PANX1: variants seen among roughly 807,000 people sequenced by gnomAD.
PANX1 encodes pannexin 1.
A neutral mutation model predicts 38.7 loss-of-function variants in PANX1; 30 were observed. The observed-to-expected ratio is 0.78, with a 90% CI of 0.58 to 1.05. The LOEUF (loss-of-function observed/expected upper bound fraction) is 1.05. Among genes scored for constraint, PANX1 ranks in the 50% least tolerant of loss-of-function variants. PANX1 has a pLI of 0.00. For synonymous variants in PANX1, 230 were observed against 212.2 expected, an observed-to-expected ratio of 1.08 and a Z score of -0.73; for missense variants, 551 against 517.2, an observed-to-expected ratio of 1.07 and a Z score of -0.63.
chr11:94,149,068 C>T (rs1946856385), intron 1 of PANX1, among the ~76,000 whole-genome samples: 1 of 152,118 alleles, frequency 6.6e-6, no homozygotes, highest in Non-Finnish European at 1.5e-5. Context: ...GGTTAGTTCC[C>T]TTCTCCTGCC....
intron 2 of PANX1, among the ~76,000 whole-genome samples, chr11:94,162,209 A>G (rs1190192526): frequency 6.6e-6 from 1 of 152,202 alleles, no homozygotes; most frequent in Non-Finnish European, 1.5e-5. Context: ...TCAGACCTCC[A>G]GCTGCGTACT....
At chr11:94,146,497 A>G (rs1276098685) in intron 1 of PANX1, among the ~76,000 whole-genome samples, 2 of 152,222 alleles carry the variant, frequency 1.3e-5, no homozygotes, top group South Asian at 2.1e-4. Context: ...ACGGCAGAAG[A>G]GACCTAGCAG....
chr11:94,177,382 G>C (rs987081390), intron 2 of PANX1, among the ~76,000 whole-genome samples: 2 of 151,422 alleles, frequency 1.3e-5, no homozygotes, highest in African/African-American at 4.9e-5. Flanking sequence ...CACGCAAAAG[G>C]ATAGTCGAAA....
chr11:94,174,127 C>G lies in PANX1; in HGVS notation c.322-4242C>G, dbSNP rs533698920. Among the ~76,000 whole-genome samples the G allele has an allele frequency of 2.8e-4, 42 of 150,326 alleles. 4 individuals are homozygous for G. Among genetic ancestry groups the G allele is most frequent in the African/African-American group, 1.0e-3 (41 of 39,760 alleles). ...TTGGCCTTCTGATAAGGACACAAGT[C>G]ATTGGATTAGGACCCACCCTAATTT... On this transcript the variant is annotated intron_variant, in intron 2 of 4. Transcript: ENST00000227638.
chr11:94,133,035 A>G (rs368359825), intron 1 of PANX1, among the ~76,000 whole-genome samples: 1 of 152,208 alleles, frequency 6.6e-6, no homozygotes, highest in Non-Finnish European at 1.5e-5. Flanking sequence ...TTAGTAGTTC[A>G]GCCCACTGGG....
At chr11:94,130,497 G>T (rs1946617059) in intron 1 of PANX1, among the ~76,000 whole-genome samples, 1 of 151,944 alleles carries the variant, frequency 6.6e-6, no homozygotes. Context: ...AAGAGTGTAG[G>T]CTGATGGTTT....
At chr11:94,167,530 A>G (rs11607052) in intron 2 of PANX1, among the ~76,000 whole-genome samples, 55,986 of 152,036 alleles carry the variant, frequency 0.37, 10,798 homozygotes, top group African/African-American at 0.45. Context: ...TAGATGTACA[A>G]GAAAACCAAG....
At position 94,129,634 on chromosome 11, in the gene PANX1, AT is replaced by A. The variant is rs1241871527; in HGVS notation, c.181+142del. Reference sequence around the variant, plus strand: ...CAGGAAGGGCAGTGGCCCCAGTTTTATGGTCCAAAGCGTTCTTTGCCCAGGT... The same window carrying A: ...CAGGAAGGGCAGTGGCCCCAGTTTTAGGTCCAAAGCGTTCTTTGCCCAGGT... On this transcript the variant is annotated intron_variant, in intron 1 of 4. Transcript: ENST00000227638. 8 of 719,554 alleles carry A rather than the reference AT, an allele frequency of 1.1e-5. No individual in the cohort carries two copies. In the African/African-American group the frequency reaches 1.4e-4, roughly 13 times the overall value. 44.6% of individuals were successfully genotyped at this position (719,554 alleles called of 1,614,324 possible). A position where few individuals can be genotyped will look rare whatever the true frequency, so the allele number is the denominator to read the frequency against.
At chr11:94,139,565 T>C (rs1308776275) in intron 1 of PANX1, among the ~76,000 whole-genome samples, 2 of 152,196 alleles carry the variant, frequency 1.3e-5, no homozygotes, top group Admixed American at 1.3e-4. Context: ...CTGGATAGCC[T>C]TGTGAGCCAG....
chr11:94,150,641 G>A (rs970112407), intron 1 of PANX1, among the ~76,000 whole-genome samples: 7 of 152,076 alleles, frequency 4.6e-5, no homozygotes, highest in African/African-American at 1.7e-4. Context: ...AGCTGTGCCG[G>A]TCCCCTGTAC....
At chr11:94,163,690 C>T (rs1251354806) in intron 2 of PANX1, among the ~76,000 whole-genome samples, 2 of 152,088 alleles carry the variant, frequency 1.3e-5, no homozygotes, top group African/African-American at 4.8e-5. Flanking sequence ...TTTTACTTGT[C>T]TTTGTCTGAT....
At chr11:94,155,351 A>C (rs1946937504) in intron 2 of PANX1, among the ~76,000 whole-genome samples, 1 of 46,876 alleles carries the variant, frequency 2.1e-5, no homozygotes, top group Admixed American at 2.8e-4. Flanking sequence ...ACTCCATCTC[A>C]AAAAAAAAAA....
intron 2 of PANX1, among the ~76,000 whole-genome samples, chr11:94,176,723 C>T (rs1011133933): frequency 6.6e-6 from 1 of 151,574 alleles, no homozygotes; most frequent in Non-Finnish European, 1.5e-5. Flanking sequence ...GAGATAGACC[C>T]ATCCAAAAGT....
chr11:94,180,346 C>T, intron 4 of PANX1, 89 bp downstream of exon 4: 1 of 1,143,320 alleles, frequency 8.7e-7, no homozygotes, highest in Admixed American at 2.5e-5. Flanking sequence ...TTACCCTGCC[C>T]ATCATTTAAA....
rs193212707 is a variant in PANX1 at position 94,135,406 on chromosome 11, T to C, written c.181+5913T>C. On this transcript the variant is annotated intron_variant, in intron 1 of 4. Transcript: ENST00000227638. ...CATTTCCTGCAACTGAGTCAGCGGC[T>C]GGGTGGCTTAAGTTATCTGCTCTGT... is the stretch of plus-strand genomic sequence containing the variant. Among the ~76,000 whole-genome samples the C allele has an allele frequency of 2.6e-3, 400 of 152,358 alleles. 1 individual carries two copies. Among genetic ancestry groups the C allele is most frequent in the African/African-American group, 9.4e-3 (393 of 41,588 alleles).
chr11:94,135,001 C>T (rs1946671703), intron 1 of PANX1, among the ~76,000 whole-genome samples: 5 of 152,178 alleles, frequency 3.3e-5, no homozygotes, highest in Admixed American at 3.3e-4. Flanking sequence ...GCCTCCTGTG[C>T]CCTGCGCTTA....
At chr11:94,131,760 G>A (rs1373896648) in intron 1 of PANX1, among the ~76,000 whole-genome samples, 1 of 152,114 alleles carries the variant, frequency 6.6e-6, no homozygotes, top group African/African-American at 2.4e-5. Context: ...GAGGGGAGAG[G>A]TACATAGATT....
chr11:94,132,207 A>G (rs764148242), intron 1 of PANX1, among the ~76,000 whole-genome samples: 3 of 152,182 alleles, frequency 2.0e-5, no homozygotes, highest in Admixed American at 6.5e-5. Flanking sequence ...TACCTTGGCA[A>G]TGGGGTGTCA....
chr11:94,152,472 C>CTGTGA (rs1433261447), intron 1 of PANX1, among the ~76,000 whole-genome samples: 2 of 152,200 alleles, frequency 1.3e-5, no homozygotes, highest in African/African-American at 2.4e-5. Context: ...CACTCCCAGG[C>CTGTGA]TGTGATGGAT....
Sources: allele counts gnomAD v4.1 joint callset (sites outside exome capture counted in the v4.1 genomes callset), GRCh38; gene constraint gnomAD v4.1.1; transcripts MANE v1.5; gene names NCBI Gene and HGNC (gene_info 2026-07-23, HGNC 2026-07-21).